The following FRYL variants were observed in gnomAD, a reference collection of about 807,000 sequenced individuals.
The protein encoded by FRYL is FRY like transcription coactivator.
FRYL carries 150 observed loss-of-function variants against 351.2 expected under a neutral mutation model. The observed-to-expected ratio is 0.43, with a 90% CI of 0.37 to 0.49. The LOEUF (loss-of-function observed/expected upper bound fraction) is 0.49. Ranked by LOEUF, FRYL falls within the 20% of genes least tolerant of loss-of-function variation. The probability of loss-of-function intolerance (pLI) is 0.00; values close to 1 mark genes in which losing one functional copy is unlikely to be tolerated. For synonymous variants in FRYL, 1,153 were observed against 1,257.1 expected (o/e 0.92, Z 1.75); for missense variants, 3,036 against 3,619.3 (o/e 0.84, Z 4.13).
chr4:48,553,165 T>G, intron 36 of FRYL, 50 bp downstream of exon 36: 1 of 1,467,836 alleles, frequency 6.8e-7, no homozygotes, highest in South Asian at 1.2e-5. Flanking sequence ...GTGAAGCAGA[T>G]GAAGATGTCT....
At chr4:48,758,497 C>T (rs1421056277) in intron 1 of FRYL, among the ~76,000 whole-genome samples, 6 of 152,142 alleles carry the variant, frequency 3.9e-5, no homozygotes, top group Admixed American at 3.3e-4. Context: ...CCATTACTGG[C>T]CATCAGAGAA....
intron 11 of FRYL, among the ~76,000 whole-genome samples, chr4:48,604,947 G>A (rs893971957): frequency 4.6e-5 from 7 of 152,146 alleles, no homozygotes; most frequent in Non-Finnish European, 8.8e-5. Flanking sequence ...AACAAAGGGT[G>A]AAGTACAAAT....
chr4:48,687,786 T>G lies in FRYL; in HGVS notation c.-203-2991A>C, dbSNP rs1765299857. Among the ~76,000 whole-genome samples the G allele has an allele frequency of 5.9e-5, 9 of 152,280 alleles. No individual in the cohort carries two copies. The South Asian group carries it at 1.9e-3, about 32-fold the overall frequency. Reference sequence around the variant, plus strand: ...TTCAATATAGTATTCGCAATACTTGTCTGTATGCCGGGAATACTCCACAAT... The same window carrying G: ...TTCAATATAGTATTCGCAATACTTGGCTGTATGCCGGGAATACTCCACAAT... On this transcript the variant is annotated intron_variant, in intron 2 of 63. Coordinates refer to ENST00000358350, the MANE Select transcript of FRYL (RefSeq NM_015030.2).
At chr4:48,560,593 C>A (rs189354415) in intron 33 of FRYL, among the ~76,000 whole-genome samples, 1 of 152,160 alleles carries the variant, frequency 6.6e-6, no homozygotes, top group East Asian at 1.9e-4. Context: ...GCTCAGCAGC[C>A]ACAAAATCTG....
Position 48,498,807 on chromosome 4 carries a change from T to A in FRYL, c.*615A>T, listed in dbSNP as rs1027993394. The A allele has an allele frequency of 1.2e-4, 18 of 152,684 alleles. No homozygotes were observed. The highest frequency in any genetic ancestry group is 1.2e-3 in the Admixed American group (18 of 15,284). The allele number at this position is 152,684 out of a possible 1,614,324, so 9.5% of individuals were successfully genotyped here. A position where few individuals can be genotyped will look rare whatever the true frequency, so the allele number is the denominator to read the frequency against. ...ATACCTTGAAAATATGACTATCACA[T>A]ATCCATACATCCCAACTCACACACA... On this transcript the variant is annotated 3_prime_UTR_variant, in exon 64 of 64. Coordinates refer to ENST00000358350, the MANE Select transcript of FRYL (RefSeq NM_015030.2).
chr4:48,644,380 T>G (rs994641027), intron 3 of FRYL, among the ~76,000 whole-genome samples: 3 of 151,716 alleles, frequency 2.0e-5, no homozygotes, highest in Admixed American at 1.3e-4. Context: ...TGAAATTAAC[T>G]ATAATCAGAA....
chr4:48,591,538 A>T (rs567049782), intron 16 of FRYL, among the ~76,000 whole-genome samples: 1 of 152,250 alleles, frequency 6.6e-6, no homozygotes, highest in South Asian at 2.1e-4. Context: ...AGCAACATGG[A>T]CAAGGTCAAG....
chr4:48,737,548 T>C (rs1771588859), intron 1 of FRYL, among the ~76,000 whole-genome samples: 1 of 152,084 alleles, frequency 6.6e-6, no homozygotes, highest in Non-Finnish European at 1.5e-5. Flanking sequence ...TACCAAACTT[T>C]TAAAAAGACA....
intron 61 of FRYL, 43 bp downstream of exon 61, chr4:48,502,785 C>G (rs1719997194): frequency 6.5e-7 from 1 of 1,541,126 alleles, no homozygotes; most frequent in Non-Finnish European, 8.9e-7. Context: ...ACCAGTTTGT[C>G]TGGCAAGGGT....
At position 48,581,569 on chromosome 4, in the gene FRYL, G is replaced by A; in HGVS notation, c.2023C>T (p.Leu675=). ...VANGASHPPP[L]ERSPYSNVFH... is the part of the protein sequence containing the mutation. Reference sequence around the variant, plus strand: ...ACATTGGAATATGGGCTCCTTTCCAGAGGAGGGGGATGAGAAGCTCCATTA... The same window carrying A: ...ACATTGGAATATGGGCTCCTTTCCAAAGGAGGGGGATGAGAAGCTCCATTA... The change falls in exon 21 of 64, where the codon CTG becomes TTG. Residue 675 remains leucine (L), a synonymous_variant. Transcript: ENST00000358350. 2.5e-6 allele frequency: 4 copies of A among 1,612,608 alleles called. No homozygotes were observed. Among genetic ancestry groups the A allele is most frequent in the Non-Finnish European group, 3.4e-6 (4 of 1,179,388 alleles).
chr4:48,565,065 T>A, intron 29 of FRYL, 22 bp from the exon 30 acceptor site: 13 of 1,367,636 alleles, frequency 9.5e-6, no homozygotes, highest in Non-Finnish European at 1.3e-5. Flanking sequence ...AATATTAGAA[T>A]TACATTTAAC....
chr4:48,623,114 A>G lies in FRYL; in HGVS notation c.174+12T>C. The G allele has an allele frequency of 6.4e-7, 1 of 1,573,268 alleles. No individual in the cohort carries two copies. Among genetic ancestry groups the G allele is most frequent in the Admixed American group, 1.8e-5 (1 of 55,168 alleles). ...TCCAGGGGAAAAAAAAATTCTCCCA[A>G]AATTGTCATACCTGATCAAACTGAA... On this transcript the variant is annotated intron_variant, in intron 5 of 63. Transcript: ENST00000358350.
At chr4:48,740,837 C>G (rs190062671) in intron 1 of FRYL, among the ~76,000 whole-genome samples, 74 of 152,270 alleles carry the variant, frequency 4.9e-4, no homozygotes, top group Admixed American at 2.1e-3. Context: ...CTTTGAAAGA[C>G]AGCTTGGTGG....
At chr4:48,665,467 TA>T (rs1761540989) in intron 3 of FRYL, among the ~76,000 whole-genome samples, 1 of 152,240 alleles carries the variant, frequency 6.6e-6, no homozygotes, top group African/African-American at 2.4e-5. Context: ...TATTGTTAAT[TA>T]AAATCCAGAT....
intron 1 of FRYL, among the ~76,000 whole-genome samples, chr4:48,751,408 A>G (rs1395119420): frequency 5.3e-5 from 8 of 152,212 alleles, no homozygotes; most frequent in Admixed American, 3.3e-4. Flanking sequence ...TCCAAAGTAA[A>G]ATAATTTGGC....
chr4:48,634,421 T>C lies in FRYL; in HGVS notation c.-11A>G, dbSNP rs529182898. 4.3e-6 allele frequency: 7 copies of C among 1,613,324 alleles called. No homozygotes were observed. The African/African-American group carries it at 9.3e-5, about 22-fold the overall frequency. On this transcript the variant is annotated 5_prime_UTR_variant, in exon 4 of 64. Transcript: ENST00000358350. The stretch of plus-strand genomic sequence containing the variant: ...CGTAATGTTTGACATGATGATATTT[T>C]TTTTTCCCCAAGTGGAATGAAAGTT...
At chr4:48,610,645 A>G (rs536680868) in intron 7 of FRYL, among the ~76,000 whole-genome samples, 1 of 147,086 alleles carries the variant, frequency 6.8e-6, no homozygotes, top group Admixed American at 6.9e-5. Flanking sequence ...TATATAGTAT[A>G]TATGTATATA....
intron 2 of FRYL, among the ~76,000 whole-genome samples, chr4:48,695,632 T>C (rs1766085963): frequency 6.6e-6 from 1 of 152,178 alleles, no homozygotes. Context: ...AAAGACTTCA[T>C]GATTAAAATG....
chr4:48,509,123 T>C (rs532226463), intron 59 of FRYL, among the ~76,000 whole-genome samples: 21 of 152,298 alleles, frequency 1.4e-4, no homozygotes, highest in African/African-American at 4.6e-4. Context: ...CCTGGACTTA[T>C]TAAAATTAAA....
Sources: allele counts gnomAD v4.1 joint callset (sites outside exome capture counted in the v4.1 genomes callset), GRCh38; gene constraint gnomAD v4.1.1; transcripts MANE v1.5; gene names NCBI Gene and HGNC (gene_info 2026-07-23, HGNC 2026-07-21).